The following SSBP2 variants were observed in gnomAD, a reference collection of about 807,000 sequenced individuals.
SSBP2 encodes the protein single stranded DNA binding protein 2.
SSBP2 carries 17 observed loss-of-function variants against 61.8 expected under a neutral mutation model. The observed-to-expected ratio is 0.28, with a 90% CI of 0.19 to 0.41. SSBP2 has a LOEUF of 0.41. Among genes scored for constraint, SSBP2 ranks in the 10% least tolerant of loss-of-function variants. The pLI, the probability that SSBP2 is intolerant of heterozygous loss-of-function variation, is 1.00. For synonymous variants in SSBP2, 139 were observed against 141.3 expected, an observed-to-expected ratio of 0.98 and a Z score of 0.12; for missense variants, 310 against 458.7, an observed-to-expected ratio of 0.68 and a Z score of 2.96.
intron 10 of SSBP2, among the ~76,000 whole-genome samples, chr5:81,454,869 G>C (rs1423948194): frequency 1.3e-5 from 2 of 152,030 alleles, no homozygotes; most frequent in African/African-American, 2.4e-5. Context: ...TGAATCTAAT[G>C]GTCTCTTCTT....
intron 4 of SSBP2, among the ~76,000 whole-genome samples, chr5:81,601,127 C>T (rs1744323395): frequency 6.6e-6 from 1 of 152,086 alleles, no homozygotes; most frequent in Non-Finnish European, 1.5e-5. Context: ...CAGATAAATT[C>T]TCAATTTGGA....
chr5:81,717,482 GA>G (rs1755240641), intron 1 of SSBP2, among the ~76,000 whole-genome samples: 1 of 152,154 alleles, frequency 6.6e-6, no homozygotes, highest in East Asian at 1.9e-4. Flanking sequence ...AAGCATCCAA[GA>G]AATAGTAAAA....
chr5:81,428,291 A>G (rs1240238752), intron 16 of SSBP2, among the ~76,000 whole-genome samples: 1 of 152,204 alleles, frequency 6.6e-6, no homozygotes, highest in East Asian at 1.9e-4. Context: ...AGTAGCATGA[A>G]AACTTATAAA....
chr5:81,747,787 A>G (rs991194867), intron 1 of SSBP2, among the ~76,000 whole-genome samples: 1 of 152,214 alleles, frequency 6.6e-6, no homozygotes, highest in Non-Finnish European at 1.5e-5. Flanking sequence ...TAAACATTAA[A>G]CAGCCAATCA....
intron 4 of SSBP2, among the ~76,000 whole-genome samples, chr5:81,586,985 C>T (rs1412656545): frequency 6.6e-6 from 1 of 152,082 alleles, no homozygotes; most frequent in Non-Finnish European, 1.5e-5. Flanking sequence ...TTAAGTACAT[C>T]CTGTGTTACT....
At chr5:81,734,971 A>C (rs1303565721) in intron 1 of SSBP2, among the ~76,000 whole-genome samples, 1 of 7,740 alleles carries the variant, frequency 1.3e-4, no homozygotes, top group African/African-American at 7.5e-4. Context: ...ACTCCATCTC[A>C]AAAAAAAAAA....
At chr5:81,646,427 T>C (rs1749271078) in intron 2 of SSBP2, among the ~76,000 whole-genome samples, 1 of 152,102 alleles carries the variant, frequency 6.6e-6, no homozygotes, top group Non-Finnish European at 1.5e-5. Context: ...ACTATTTTGA[T>C]TTAGGTAAAA....
intron 15 of SSBP2, among the ~76,000 whole-genome samples, chr5:81,433,086 C>T (rs1352148864): frequency 6.6e-6 from 1 of 151,906 alleles, no homozygotes; most frequent in Non-Finnish European, 1.5e-5. Context: ...TCTGCCTGGC[C>T]ACCACCCCGT....
intron 4 of SSBP2, among the ~76,000 whole-genome samples, chr5:81,613,043 C>T (rs1209153985): frequency 6.6e-6 from 1 of 151,812 alleles, no homozygotes; most frequent in Non-Finnish European, 1.5e-5. Flanking sequence ...TTTAAAAATC[C>T]AATTGTAATA....
chr5:81,439,344 C>T (rs1362290575), intron 14 of SSBP2, among the ~76,000 whole-genome samples: 1 of 151,950 alleles, frequency 6.6e-6, no homozygotes, highest in Non-Finnish European at 1.5e-5. Context: ...TTGCATTTGA[C>T]CTATGTGAAT....
chr5:81,602,287 T>C (rs1171132267), intron 4 of SSBP2, among the ~76,000 whole-genome samples: 2 of 152,198 alleles, frequency 1.3e-5, no homozygotes, highest in East Asian at 1.9e-4. Context: ...AAAAATGTTA[T>C]AGGTTTCTAC....
At chr5:81,482,533 A>T (rs1301039576) in intron 6 of SSBP2, among the ~76,000 whole-genome samples, 1 of 152,140 alleles carries the variant, frequency 6.6e-6, no homozygotes, top group Admixed American at 6.6e-5. Flanking sequence ...TGTTCTGGAG[A>T]CAGCTTCTTT....
chr5:81,573,516 T>C (rs1287081483), intron 4 of SSBP2, among the ~76,000 whole-genome samples: 1 of 152,192 alleles, frequency 6.6e-6, no homozygotes, highest in Admixed American at 6.5e-5. Context: ...GTCTTGGACT[T>C]AGTATGAAAA....
At chr5:81,548,212 A>G (rs1038779202) in intron 4 of SSBP2, among the ~76,000 whole-genome samples, 10 of 152,170 alleles carry the variant, frequency 6.6e-5, no homozygotes, top group African/African-American at 2.4e-4. Context: ...TAGGGTATAC[A>G]TAATGTATAC....
intron 4 of SSBP2, among the ~76,000 whole-genome samples, chr5:81,569,564 C>T (rs940520642): frequency 2.6e-5 from 4 of 152,210 alleles, no homozygotes; most frequent in Non-Finnish European, 5.9e-5. Flanking sequence ...TCATGCTCTC[C>T]TATGCTGAGC....
chr5:81,453,809 C>A (rs1763947161), intron 10 of SSBP2, among the ~76,000 whole-genome samples: 2 of 151,912 alleles, frequency 1.3e-5, no homozygotes, highest in Admixed American at 1.3e-4. Context: ...TTCTGTGATA[C>A]ACCTAAAAGT....
At chr5:81,452,935 T>G (rs1377599699) in intron 10 of SSBP2, among the ~76,000 whole-genome samples, 4 of 144,696 alleles carry the variant, frequency 2.8e-5, no homozygotes, top group Non-Finnish European at 5.9e-5. Context: ...TGAAACAACA[T>G]GGTAGCATTA....
At chr5:81,526,228 T>C (rs1470719470) in intron 4 of SSBP2, among the ~76,000 whole-genome samples, 22 of 152,200 alleles carry the variant, frequency 1.4e-4, no homozygotes, top group Admixed American at 1.4e-3. Context: ...TCAGTTTTTT[T>C]CCCTTAACAC....
At chr5:81,425,463 T>C (rs1761895998) in intron 16 of SSBP2, among the ~76,000 whole-genome samples, 1 of 152,186 alleles carries the variant, frequency 6.6e-6, no homozygotes, top group Admixed American at 6.5e-5. Flanking sequence ...ACCATCTTGT[T>C]TGTAATTCCT....
Sources: allele counts gnomAD v4.1 joint callset (sites outside exome capture counted in the v4.1 genomes callset), GRCh38; gene constraint gnomAD v4.1.1; transcripts MANE v1.5; gene names NCBI Gene and HGNC (gene_info 2026-07-23, HGNC 2026-07-21).